Variants in NTM observed in about 807,000 individuals in gnomAD.
NTM encodes the protein neurotrimin.
In NTM, 13 loss-of-function variants were observed where a neutral mutation model predicts 42.1. The ratio of observed to expected loss-of-function variants is 0.31; its 90% CI spans 0.20 to 0.49. NTM has a LOEUF of 0.49. Among genes scored for constraint, NTM ranks in the 20% least tolerant of loss-of-function variants. The probability of loss-of-function intolerance (pLI) is 0.99; values close to 1 mark genes in which losing one functional copy is unlikely to be tolerated. For synonymous variants in NTM, 187 were observed against 179.2 expected (o/e 1.04, Z -0.35); for missense variants, 373 against 452.8 (o/e 0.82, Z 1.60).
chr11:131,732,046 G>A (rs750113153), intron 1 of NTM, among the ~76,000 whole-genome samples: 4 of 152,070 alleles, frequency 2.6e-5, no homozygotes, highest in Non-Finnish European at 4.4e-5. Context: ...GATCTTGGGC[G>A]CATTTAACTC....
chr11:131,410,982 G>A (rs1246220483), intron 1 of NTM, among the ~76,000 whole-genome samples: 1 of 152,168 alleles, frequency 6.6e-6, no homozygotes, highest in African/African-American at 2.4e-5. Context: ...TTTGAGCCCT[G>A]AGTTCTATAA....
At chr11:132,185,967 G>A (rs962138958) in intron 3 of NTM, among the ~76,000 whole-genome samples, 7 of 152,168 alleles carry the variant, frequency 4.6e-5, no homozygotes, top group African/African-American at 1.2e-4. Flanking sequence ...AATAACTGCC[G>A]CCCTTGCCTA....
intron 1 of NTM, among the ~76,000 whole-genome samples, chr11:131,711,365 A>G (rs1165242785): frequency 2.0e-5 from 3 of 152,204 alleles, no homozygotes; most frequent in Non-Finnish European, 4.4e-5. Flanking sequence ...ATGCAGCCAA[A>G]AAACACATGA....
At chr11:131,699,950 G>A (rs1227311628) in intron 1 of NTM, among the ~76,000 whole-genome samples, 3 of 140,164 alleles carry the variant, frequency 2.1e-5, no homozygotes, top group Admixed American at 1.4e-4. Context: ...GTGTGTGTGT[G>A]TGTGTGTGTG....
chr11:132,011,786 T>C (rs942336711), intron 2 of NTM, among the ~76,000 whole-genome samples: 4 of 152,198 alleles, frequency 2.6e-5, no homozygotes, highest in African/African-American at 7.2e-5. Context: ...AAGTGGTTTC[T>C]ACATGTGCTC....
intron 2 of NTM, among the ~76,000 whole-genome samples, chr11:132,028,246 T>C (rs1171798760): frequency 2.2e-5 from 2 of 89,494 alleles, no homozygotes; most frequent in Non-Finnish European, 5.0e-5. Context: ...TTCCAGCTGG[T>C]TTTTTTTTTT....
At chr11:131,731,621 T>C in intron 1 of NTM, among the ~76,000 whole-genome samples, 1 of 152,148 alleles carries the variant, frequency 6.6e-6, no homozygotes, top group East Asian at 1.9e-4. Context: ...TGGGCCTGCA[T>C]ACGTTAATCT....
At chr11:131,693,338 G>A (rs2075025649) in intron 1 of NTM, among the ~76,000 whole-genome samples, 3 of 152,216 alleles carry the variant, frequency 2.0e-5, no homozygotes. Context: ...ACTGGAGCCA[G>A]AACATTTACA....
At chr11:131,807,806 A>T (rs1209319751) in intron 1 of NTM, among the ~76,000 whole-genome samples, 2 of 152,134 alleles carry the variant, frequency 1.3e-5, no homozygotes, top group Non-Finnish European at 2.9e-5. Context: ...CTCCCTTTAT[A>T]CCTTTCAGAC....
rs533994482 is a variant in NTM, at chr11:131,751,083, G to T, written c.83-160481G>T. Among the ~76,000 whole-genome samples the T allele has an allele frequency of 2.6e-5, 4 of 152,244 alleles. No homozygotes were observed. In the South Asian group the frequency reaches 8.3e-4, roughly 32 times the overall value. ...AATCACTCTTCAGGCCATTTGGGAT[G>T]CCCTTCTTATTGCCTATCCCCTGAT... On this transcript the variant is annotated intron_variant, in intron 1 of 8. Transcript: ENST00000683400.
intron 2 of NTM, among the ~76,000 whole-genome samples, chr11:132,035,563 GA>G (rs1352189603): frequency 6.6e-6 from 1 of 152,194 alleles, no homozygotes; most frequent in African/African-American, 2.4e-5. Flanking sequence ...CCACAATAGT[GA>G]TGTTTCAAAG....
rs116357936 is a variant in NTM, at chr11:132,190,460, G to A, written c.401-21562G>A. The stretch of plus-strand genomic sequence containing the variant: ...GCATCTTTAAGAGATAGAAAGGGCC[G>A]GGTGTGGTGGCTCACACCTGTAATC... On this transcript the variant is annotated intron_variant, in intron 3 of 8. Coordinates refer to ENST00000683400, the MANE Select transcript of NTM (RefSeq NM_001352005.2). 4.8e-3 allele frequency among the ~76,000 whole-genome samples: 727 copies of A among 152,234 alleles called. 7 individuals are homozygous for A. Among genetic ancestry groups the A allele is most frequent in the African/African-American group, 0.017 (698 of 41,548 alleles).
chr11:131,560,697 C>T (rs1406447074), intron 1 of NTM, among the ~76,000 whole-genome samples: 3 of 152,196 alleles, frequency 2.0e-5, no homozygotes, highest in African/African-American at 7.2e-5. Context: ...TAAGCACAAC[C>T]ATTTCTTATT....
chr11:131,628,465 T>C (rs555847693), intron 1 of NTM, among the ~76,000 whole-genome samples: 1 of 152,316 alleles, frequency 6.6e-6, no homozygotes, highest in South Asian at 2.1e-4. Context: ...CGCACAGACA[T>C]TTTACAAGAT....
Position 131,691,503 on chromosome 11 carries a change from C to T in NTM, c.83-220061C>T, listed in dbSNP as rs540190682. Among the ~76,000 whole-genome samples, 17 of 152,008 alleles carry T rather than the reference C, an allele frequency of 1.1e-4. No individual in the cohort carries two copies. In the East Asian group the frequency reaches 2.7e-3, roughly 24 times the overall value. ...CCCACACCACCTTGCTCCCTCCTGG[C>T]CCCCCGCCAAGGCGATGTCGTCGCC... is the stretch of plus-strand genomic sequence containing the variant. On this transcript the variant is annotated intron_variant, in intron 1 of 8. Transcript: ENST00000683400.
chr11:132,327,761 G>C (rs571466714), intron 7 of NTM, among the ~76,000 whole-genome samples: 34 of 152,100 alleles, frequency 2.2e-4, no homozygotes, highest in South Asian at 1.7e-3. Context: ...TTTTCTTCTT[G>C]TTGTATTTTC....
At chr11:131,936,211 A>T (rs376544177) in intron 2 of NTM, among the ~76,000 whole-genome samples, 2 of 152,230 alleles carry the variant, frequency 1.3e-5, no homozygotes, top group East Asian at 3.8e-4. Context: ...GTTGGTTAAA[A>T]TTAAAATAAT....
intron 1 of NTM, among the ~76,000 whole-genome samples, chr11:131,567,348 G>A (rs1421417595): frequency 3.3e-5 from 5 of 152,076 alleles, no homozygotes; most frequent in African/African-American, 4.8e-5. Flanking sequence ...TTAGCCGGGC[G>A]TGATGGCACA....
chr11:132,174,497 A>T lies in NTM; in HGVS notation c.400+27983A>T, dbSNP rs184489274. On this transcript the variant is annotated intron_variant, in intron 3 of 8. Coordinates refer to ENST00000683400, the MANE Select transcript of NTM (RefSeq NM_001352005.2). ...CGATGCTAGTGCAGTGACTTCATGG[A>T]CTCAGTATGCTGGGTGAGGAGCGGA... Among the ~76,000 whole-genome samples, 28 of 152,290 alleles carry T rather than the reference A, an allele frequency of 1.8e-4. No homozygotes were observed. In the East Asian group the frequency reaches 5.2e-3, roughly 28 times the overall value.
Sources: allele counts gnomAD v4.1 joint callset (sites outside exome capture counted in the v4.1 genomes callset), GRCh38; gene constraint gnomAD v4.1.1; transcripts MANE v1.5; gene names NCBI Gene and HGNC (gene_info 2026-07-23, HGNC 2026-07-21).